CLDN10: variants seen among roughly 807,000 people sequenced by gnomAD.
CLDN10 encodes the protein claudin-10.
A neutral mutation model predicts 22.9 loss-of-function variants in CLDN10; 15 were observed. That is an observed-to-expected ratio of 0.65 (90% CI 0.44 to 1.01). The LOEUF (loss-of-function observed/expected upper bound fraction) is 1.01. CLDN10 is among the 50% of genes least tolerant of loss of function. The pLI, the probability that CLDN10 is intolerant of heterozygous loss-of-function variation, is 0.00. For missense variants in CLDN10, 247 were observed against 287.8 expected (o/e 0.86, Z 1.03); for synonymous variants, 114 against 111.4 (o/e 1.02, Z -0.15).
chr13:95,472,995 T>C (rs986523640), intron 1 of CLDN10, among the ~76,000 whole-genome samples: 2 of 151,718 alleles, frequency 1.3e-5, no homozygotes, highest in African/African-American at 4.8e-5. Context: ...TAAAAATTAG[T>C]TGGGTGTGGT....
chr13:95,450,500 C>A (rs958289353), intron 1 of CLDN10, among the ~76,000 whole-genome samples: 4 of 152,318 alleles, frequency 2.6e-5, no homozygotes, highest in Admixed American at 2.6e-4. Flanking sequence ...TTTCCCACAG[C>A]GCTGATCCCA....
At chr13:95,489,958 A>G (rs1294095216) in intron 1 of CLDN10, among the ~76,000 whole-genome samples, 3 of 152,180 alleles carry the variant, frequency 2.0e-5, no homozygotes, top group South Asian at 2.1e-4. Context: ...TCCCAACACC[A>G]TTTATTGAAA....
upstream of CLDN10, among the ~76,000 whole-genome samples, chr13:95,549,529 T>C (rs1396660932): frequency 6.6e-6 from 1 of 152,224 alleles, no homozygotes; most frequent in Non-Finnish European, 1.5e-5. Flanking sequence ...AGAATTCTCC[T>C]GACAAAACTA....
intron 1 of CLDN10, among the ~76,000 whole-genome samples, chr13:95,547,301 C>T (rs925074092): frequency 6.6e-6 from 1 of 152,164 alleles, no homozygotes; most frequent in African/African-American, 2.4e-5. Flanking sequence ...GTTTCCCTCC[C>T]TCTGCCCTCA....
chr13:95,508,412 T>C (rs1413469633), intron 1 of CLDN10, among the ~76,000 whole-genome samples: 1 of 152,238 alleles, frequency 6.6e-6, no homozygotes, highest in East Asian at 1.9e-4. Context: ...TACTCCCTGC[T>C]TTGCATTATT....
At position 95,523,498 on chromosome 13, in the gene CLDN10, T is replaced by C. The variant is rs188349852; in HGVS notation, c.215-36634T>C. Among the ~76,000 whole-genome samples, 70 of 152,368 alleles carry C rather than the reference T, an allele frequency of 4.6e-4. 1 individual carries two copies. Among genetic ancestry groups the C allele is most frequent in the African/African-American group, 1.6e-3 (68 of 41,586 alleles). On this transcript the variant is annotated intron_variant, in intron 1 of 4. Transcript: ENST00000376873. ...AATTTTACTTGTGGGATTATTTTCT[T>C]TTACCTGAAAAGATCAGGTAAATAT...
chr13:95,489,742 T>C (rs955306738), intron 1 of CLDN10, among the ~76,000 whole-genome samples: 3 of 152,238 alleles, frequency 2.0e-5, no homozygotes, highest in African/African-American at 7.2e-5. Context: ...CTATTTATCT[T>C]TGTTTTTATT....
At chr13:95,517,933 CAAAAAAA>C (rs35780641) in intron 1 of CLDN10, among the ~76,000 whole-genome samples, 2 of 94,092 alleles carry the variant, frequency 2.1e-5, no homozygotes, top group Non-Finnish European at 4.1e-5. Context: ...AACTCCACCT[CAAAAAAA>C]AAAAAAAAAA....
At chr13:95,437,852 ACATCTTCTGTGCCT>A (rs1263461811) in intron 1 of CLDN10, among the ~76,000 whole-genome samples, 2 of 152,156 alleles carry the variant, frequency 1.3e-5, no homozygotes, top group Admixed American at 6.5e-5. Flanking sequence ...TTCAGCAATG[ACATCTTCTGTGCCT>A]CATCCATAAA....
intron 1 of CLDN10, among the ~76,000 whole-genome samples, chr13:95,441,723 G>C (rs1017813029): frequency 1.3e-5 from 2 of 152,188 alleles, no homozygotes; most frequent in African/African-American, 4.8e-5. Context: ...CTCTCCAGGT[G>C]TCTTCTATGC....
intron 1 of CLDN10, among the ~76,000 whole-genome samples, chr13:95,482,686 G>A (rs1566293556): frequency 6.6e-6 from 1 of 152,092 alleles, no homozygotes; most frequent in Admixed American, 6.6e-5. Flanking sequence ...AAGTATAAAT[G>A]AATAAACTGG....
intron 1 of CLDN10, among the ~76,000 whole-genome samples, chr13:95,489,964 T>A (rs112530990): frequency 2.0e-5 from 3 of 152,240 alleles, no homozygotes; most frequent in Admixed American, 1.3e-4. Context: ...CACCATTTAT[T>A]GAAAATGATG....
At chr13:95,504,829 C>T (rs1193400776) in intron 1 of CLDN10, among the ~76,000 whole-genome samples, 5 of 152,200 alleles carry the variant, frequency 3.3e-5, no homozygotes, top group Non-Finnish European at 7.3e-5. Context: ...TAAGCCATCA[C>T]ACTGGCCAGC....
intron 1 of CLDN10, among the ~76,000 whole-genome samples, chr13:95,485,557 C>T (rs962308406): frequency 6.6e-6 from 1 of 152,198 alleles, no homozygotes; most frequent in African/African-American, 2.4e-5. Context: ...GGTTTTCAAG[C>T]CCGGGCCCAC....
At chr13:95,497,827 G>A (rs970123009) in intron 1 of CLDN10, among the ~76,000 whole-genome samples, 2 of 152,078 alleles carry the variant, frequency 1.3e-5, no homozygotes, top group Admixed American at 1.3e-4. Flanking sequence ...TACTAGAAAG[G>A]GGAATTCTGG....
intron 1 of CLDN10, among the ~76,000 whole-genome samples, chr13:95,460,219 C>T (rs907967092): frequency 6.6e-6 from 1 of 152,202 alleles, no homozygotes; most frequent in African/African-American, 2.4e-5. Flanking sequence ...TCAAACTTTT[C>T]CACATCTTCC....
chr13:95,471,055 G>A (rs1418875885), intron 1 of CLDN10, among the ~76,000 whole-genome samples: 8 of 152,128 alleles, frequency 5.3e-5, no homozygotes. Context: ...CCGAGAGCAT[G>A]AGCACGGAAA....
At chr13:95,448,028 AG>A (rs910957960) in intron 1 of CLDN10, among the ~76,000 whole-genome samples, 2 of 152,136 alleles carry the variant, frequency 1.3e-5, no homozygotes, top group Non-Finnish European at 2.9e-5. Context: ...GCCATTGCAC[AG>A]GTGCTAAGCT....
At chr13:95,541,515 C>A (rs549974345) in intron 1 of CLDN10, among the ~76,000 whole-genome samples, 3 of 152,124 alleles carry the variant, frequency 2.0e-5, no homozygotes, top group Non-Finnish European at 4.4e-5. Flanking sequence ...TTCTGTTTCC[C>A]CTGTTCCTTC....
Sources: allele counts gnomAD v4.1 joint callset (sites outside exome capture counted in the v4.1 genomes callset), GRCh38; gene constraint gnomAD v4.1.1; transcripts MANE v1.5; gene names NCBI Gene and HGNC (gene_info 2026-07-23, HGNC 2026-07-21).